FKBP15: variants seen among roughly 807,000 people sequenced by gnomAD.
FKBP15 encodes the protein FKBP prolyl isomerase family member 15.
In FKBP15, 106 loss-of-function variants were observed where a neutral mutation model predicts 158.1. The observed-to-expected ratio is 0.67, with a 90% confidence interval of 0.57 to 0.79. The LOEUF (loss-of-function observed/expected upper bound fraction) is 0.79, where lower values mean the gene tolerates loss of function less well. FKBP15 is among the 30% of genes least tolerant of loss of function. The probability of loss-of-function intolerance (pLI) is 0.00; values close to 1 mark genes in which losing one functional copy is unlikely to be tolerated. For synonymous variants in FKBP15, 547 were observed against 548.6 expected, an observed-to-expected ratio of 1.00 and a Z score of 0.04; for missense variants, 1,287 against 1,479.1, an observed-to-expected ratio of 0.87 and a Z score of 2.13.
Position 113,221,176 on chromosome 9 carries a change from T to C in FKBP15, c.53+15A>G. On this transcript the variant is annotated intron_variant, in intron 1 of 27. Coordinates refer to ENST00000238256, the MANE Select transcript of FKBP15 (RefSeq NM_015258.2). ...CTCAGCCACGCCCTCCAGCGCATAC[T>C]TCTCAGTCACTCACCCGCCGCTCGG... 2.5e-6 allele frequency: 4 copies of C among 1,603,404 alleles called. No individual in the cohort carries two copies. The highest frequency in any genetic ancestry group is 3.4e-6 in the Non-Finnish European group (4 of 1,174,462).
At chr9:113,196,401 T>TTTA (rs1830684518) in intron 9 of FKBP15, among the ~76,000 whole-genome samples, 1 of 98,860 alleles carries the variant, frequency 1.0e-5, no homozygotes, top group Admixed American at 1.0e-4. Flanking sequence ...TTTTTTTTTT[T>TTTA]GAGACAGAGT....
chr9:113,172,690 A>G (rs1253673232), intron 23 of FKBP15, among the ~76,000 whole-genome samples: 1 of 152,216 alleles, frequency 6.6e-6, no homozygotes, highest in Non-Finnish European at 1.5e-5. Context: ...AATATAATGA[A>G]AAAAGAGCAG....
At chr9:113,216,083 G>GGAAAAA (rs1554718976) in intron 1 of FKBP15, among the ~76,000 whole-genome samples, 5 of 86,014 alleles carry the variant, frequency 5.8e-5, no homozygotes, top group South Asian at 7.9e-4. Flanking sequence ...TTTATTTTGT[G>GGAAAAA]AAAAAAAAAA....
chr9:113,171,497 G>C lies in FKBP15; in HGVS notation c.2658+84C>G, dbSNP rs897915130. On this transcript the variant is annotated intron_variant, in intron 24 of 27. Transcript: ENST00000238256. ...TAAAACATCACTAAAGTTAGAAAAA[G>C]AGCTATTAACACAACATACTGGCCA... 5.5e-6 allele frequency: 8 copies of C among 1,455,160 alleles called. No individual in the cohort carries two copies. The Admixed American group carries it at 1.6e-4, about 29-fold the overall frequency. 90.1% of individuals were successfully genotyped at this position (1,455,160 alleles called of 1,614,324 possible).
Position 113,161,654 on chromosome 9 carries a change from C to T in FKBP15, c.*4424G>A, listed in dbSNP as rs1203355629. On this transcript the variant is annotated 3_prime_UTR_variant, in exon 28 of 28. Transcript: ENST00000238256. ...AGACCATCGCAGAGACAGACGGGGA[C>T]TCTGCAGGCTCAGATTCATTCCCTG... 1 of 1,614,060 alleles carries T rather than the reference C, an allele frequency of 6.2e-7. No individual in the cohort carries two copies. The highest frequency in any genetic ancestry group is 8.5e-7 in the Non-Finnish European group (1 of 1,179,908).
intron 21 of FKBP15, 70 bp downstream of exon 21, chr9:113,176,467 T>C: frequency 6.7e-7 from 1 of 1,481,658 alleles, no homozygotes; most frequent in Non-Finnish European, 9.1e-7. Flanking sequence ...CATACTATTG[T>C]AATTTGTAAA....
chr9:113,219,586 C>T (rs780203154), intron 1 of FKBP15, among the ~76,000 whole-genome samples: 19 of 152,086 alleles, frequency 1.2e-4, no homozygotes, highest in Non-Finnish European at 2.5e-4. Flanking sequence ...CAGTCACATG[C>T]CTAGAATTCA....
At position 113,161,581 on chromosome 9, in the gene FKBP15, A is replaced by T. The variant is rs1830012896; in HGVS notation, c.*4497T>A. The T allele has an allele frequency of 6.2e-7, 1 of 1,613,884 alleles. No individual in the cohort carries two copies. The highest frequency in any genetic ancestry group is 8.5e-7 in the Non-Finnish European group (1 of 1,179,884). On this transcript the variant is annotated 3_prime_UTR_variant, in exon 28 of 28. Transcript: ENST00000238256. ...GAAGGCATCAAGGTTGGCAAAGCCA[A>T]GCTGCTCAACCAGGTACTGGTGAAC... is the stretch of plus-strand genomic sequence containing the variant.
chr9:113,219,951 A>G (rs16928811), intron 1 of FKBP15, among the ~76,000 whole-genome samples: 1,690 of 152,314 alleles, frequency 0.011, 34 homozygotes, highest in African/African-American at 0.038. Flanking sequence ...TGAGAGTGAA[A>G]AAGACTAAAA....
intron 15 of FKBP15, 128 bp downstream of exon 15, chr9:113,186,121 C>G (rs749292906): frequency 1.5e-6 from 1 of 665,814 alleles, no homozygotes; most frequent in Non-Finnish European, 2.6e-6. Context: ...TATTATATCT[C>G]AACAAAGCTG....
At chr9:113,172,566 C>G (rs988787518) in intron 23 of FKBP15, among the ~76,000 whole-genome samples, 4 of 152,154 alleles carry the variant, frequency 2.6e-5, no homozygotes, top group Non-Finnish European at 5.9e-5. Flanking sequence ...CCTCAGCCCC[C>G]ACCCACGACC....
In FKBP15 at chr9:113,164,117, G is replaced by GTAAA. The variant is rs1235780295; in HGVS notation, c.*1957_*1960dup. 7.2e-5 allele frequency: 11 copies of GTAAA among 152,616 alleles called. No homozygotes were observed. Among genetic ancestry groups the GTAAA allele is most frequent in the African/African-American group, 1.7e-4 (7 of 41,442 alleles). 9.5% of individuals were successfully genotyped at this position (152,616 alleles called of 1,614,324 possible). A position where few individuals can be genotyped will look rare whatever the true frequency, so the allele number is the denominator to read the frequency against. ...ATTAAAAACAAACAAATACATTTTA[G>GTAAA]TAAATATATATTTTTAAATAGTCTA... On this transcript the variant is annotated 3_prime_UTR_variant, in exon 28 of 28. Transcript: ENST00000238256.
At chr9:113,166,270 T>C in intron 27 of FKBP15, 115 bp from the exon 28 acceptor site, 1 of 948,182 alleles carries the variant, frequency 1.1e-6, no homozygotes, top group South Asian at 1.6e-5. Context: ...GAAAGGAGGT[T>C]GTACTGACAG....
intron 26 of FKBP15, 104 bp downstream of exon 26, chr9:113,169,120 G>T: frequency 7.2e-7 from 1 of 1,386,274 alleles, no homozygotes; most frequent in Non-Finnish European, 9.6e-7. Flanking sequence ...ATGAAGACAT[G>T]AGTAAATTAG....
intron 23 of FKBP15, among the ~76,000 whole-genome samples, chr9:113,172,492 A>G (rs1340495716): frequency 1.3e-5 from 2 of 152,090 alleles, no homozygotes; most frequent in East Asian, 3.9e-4. Flanking sequence ...CTATTTCTCC[A>G]CATCCTCTCC....
At chr9:113,192,659 T>C (rs761970570) in intron 11 of FKBP15, among the ~76,000 whole-genome samples, 25 of 152,322 alleles carry the variant, frequency 1.6e-4, no homozygotes, top group Non-Finnish European at 2.8e-4. Context: ...GCAATACTTA[T>C]GATAATAACA....
In FKBP15 at chr9:113,171,715, C is replaced by G. The variant is rs1356017321; in HGVS notation, c.2533-9G>C. The G allele has an allele frequency of 2.6e-6, 4 of 1,558,480 alleles. No homozygotes were observed. Among genetic ancestry groups the G allele is most frequent in the Admixed American group, 1.9e-5 (1 of 52,440 alleles). On this transcript the variant is annotated splice_polypyrimidine_tract_variant and intron_variant, in intron 23 of 27. Coordinates refer to ENST00000238256, the MANE Select transcript of FKBP15 (RefSeq NM_015258.2). ...GCCTGGAGGGCTAAACACTGCAAAA[C>G]AAACAGACTGTGGCTGTGGCCTCAG...
chr9:113,167,649 CA>C (rs1830118480), intron 27 of FKBP15, among the ~76,000 whole-genome samples: 1 of 152,190 alleles, frequency 6.6e-6, no homozygotes, highest in South Asian at 2.1e-4. Flanking sequence ...CATGAGGGGA[CA>C]AAATTTGCCC....
chr9:113,175,493 G>A (rs1830285161), intron 21 of FKBP15, among the ~76,000 whole-genome samples: 1 of 152,190 alleles, frequency 6.6e-6, no homozygotes, highest in African/African-American at 2.4e-5. Flanking sequence ...AGCCTCAGGA[G>A]CAGTTTATTA....
Sources: gnomAD v4.1 joint callset for allele counts (sites outside exome capture counted in the v4.1 genomes callset) on GRCh38, gnomAD v4.1.1 for gene constraint, MANE v1.5 for transcripts, NCBI Gene and HGNC (gene_info 2026-07-23, HGNC 2026-07-21) for gene names.